The following FLNB variants were observed in gnomAD, a reference collection of about 807,000 sequenced individuals.
The protein encoded by FLNB is filamin B.
A neutral mutation model predicts 250.6 loss-of-function variants in FLNB; 111 were observed. That is an observed-to-expected ratio of 0.44 (90% CI 0.38 to 0.52). The LOEUF is 0.52. Among genes scored for constraint, FLNB ranks in the 20% least tolerant of loss-of-function variants. The pLI is 0.00. For missense variants in FLNB, 2,869 were observed against 3,447.8 expected (o/e 0.83, Z 4.20); for synonymous variants, 1,302 against 1,372.1 (o/e 0.95, Z 1.13).
intron 28 of FLNB, 121 bp from the exon 29 acceptor site, chr3:58,138,161 A>G (rs2097319760): frequency 3.9e-6 from 5 of 1,298,322 alleles, no homozygotes; most frequent in Middle Eastern, 2.6e-4. Flanking sequence ...ATCCCTCTGA[A>G]TGGCAGCAGT....
intron 12 of FLNB, among the ~76,000 whole-genome samples, 188 bp from the exon 13 acceptor site, chr3:58,108,270 G>A (rs907047398): frequency 5.9e-5 from 9 of 152,226 alleles, no homozygotes; most frequent in Non-Finnish European, 1.0e-4. Flanking sequence ...TTATGAGGGA[G>A]AGACATTTGT....
intron 1 of FLNB, among the ~76,000 whole-genome samples, chr3:58,021,315 G>T (rs2097113739): frequency 6.6e-6 from 1 of 152,188 alleles, no homozygotes; most frequent in Non-Finnish European, 1.5e-5. Flanking sequence ...AAAGGCCTTT[G>T]TGAGTCTGTA....
rs1301019792 is a variant in FLNB at position 58,136,180 on chromosome 3, G to A, written c.4861+12G>A. 3.7e-6 allele frequency: 6 copies of A among 1,613,816 alleles called. No individual in the cohort carries two copies. Among genetic ancestry groups the A allele is most frequent in the Non-Finnish European group, 5.1e-6 (6 of 1,179,858 alleles). ...GTGCCTGGCCACGGGTGAGTACAGG[G>A]CATCTCAAGGTCAGGGGCACAGGCT... On this transcript the variant is annotated intron_variant, in intron 28 of 45. Transcript: ENST00000295956.
At chr3:58,084,123 C>T (rs1248240268) in intron 4 of FLNB, among the ~76,000 whole-genome samples, 3 of 148,488 alleles carry the variant, frequency 2.0e-5, no homozygotes, top group Non-Finnish European at 4.4e-5. Context: ...ACCTGGGAGG[C>T]GGAGGTTGCA....
At chr3:58,062,618 C>T (rs2097180197) in intron 1 of FLNB, among the ~76,000 whole-genome samples, 1 of 152,240 alleles carries the variant, frequency 6.6e-6, no homozygotes, top group Non-Finnish European at 1.5e-5. Flanking sequence ...AGCCTGGCCC[C>T]TGCAGACTGC....
intron 36 of FLNB, 108 bp from the exon 37 acceptor site, chr3:58,149,742 A>G (rs1242571850): frequency 2.1e-6 from 3 of 1,403,494 alleles, no homozygotes; most frequent in South Asian, 2.4e-5. Flanking sequence ...TCTTTCTGCT[A>G]TGTAGAAATA....
At chr3:58,125,447 T>G (rs1385596023) in intron 22 of FLNB, 134 bp from the exon 23 acceptor site, 5 of 1,090,466 alleles carry the variant, frequency 4.6e-6, no homozygotes, top group Non-Finnish European at 6.8e-6. Flanking sequence ...TACTGTGTTT[T>G]TAACCCCCTT....
chr3:58,134,618 C>T lies in FLNB; in HGVS notation c.4517C>T (p.Pro1506Leu). 6.2e-7 allele frequency: 1 copy of T among 1,613,912 alleles called. No individual in the cohort carries two copies. Among genetic ancestry groups the T allele is most frequent in the Non-Finnish European group, 8.5e-7 (1 of 1,179,952 alleles). ...KYADEEIPRS[P>L]FKVKVLPTYD... ...TGTGTGTGTGTGTGTCTATCAAGTC[C>T]CTTCAAGGTCAAGGTCCTTCCCACA... Residue 1506 changes from proline (P) to leucine (L), a missense_variant and splice_region_variant, in exon 27 of 46, where the codon CCC becomes CTC. Physicochemically the swap from Pro to Leu is moderately conservative, Grantham distance 98 (BLOSUM62 -3). This residue lies in a region of FLNB where 126 missense variants were observed against 182.0 expected (regional missense o/e 0.69). Transcript: ENST00000295956.
chr3:58,025,395 G>T lies in FLNB; in HGVS notation c.292+16539G>T, dbSNP rs2097122190. 2.0e-5 allele frequency among the ~76,000 whole-genome samples: 3 copies of T among 151,948 alleles called. No individual in the cohort carries two copies. In the South Asian group the frequency reaches 6.2e-4, roughly 32 times the overall value. On this transcript the variant is annotated intron_variant, in intron 1 of 45. Transcript: ENST00000295956. ...TACTCCCTCCTCAGCCTCCCAAATT[G>T]CTGAGATTACAGGCATAAGCCTCTG... is the stretch of plus-strand genomic sequence containing the variant.
chr3:58,008,489 C>T lies in FLNB; in HGVS notation c.-76C>T, dbSNP rs886058758. 3 of 1,501,788 alleles carry T rather than the reference C, an allele frequency of 2.0e-6. No homozygotes were observed. The highest frequency in any genetic ancestry group is 2.7e-6 in the Non-Finnish European group (3 of 1,104,154). The allele number at this position is 1,501,788 out of a possible 1,614,324, so 93.0% of individuals were successfully genotyped here. Reference sequence around the variant, plus strand: ...CCCGCTCCCGCTCCGCTTCGGTTCTCGCTCCTTCGGCCCTTGGGCCTCCAA... The same window carrying T: ...CCCGCTCCCGCTCCGCTTCGGTTCTTGCTCCTTCGGCCCTTGGGCCTCCAA... On this transcript the variant is annotated 5_prime_UTR_variant, in exon 1 of 46. Transcript: ENST00000295956.
At chr3:58,071,274 C>CTTT (rs57488190) in intron 1 of FLNB, among the ~76,000 whole-genome samples, 68 of 81,594 alleles carry the variant, frequency 8.3e-4, no homozygotes, top group Non-Finnish European at 1.2e-3. Context: ...CTCCTCGATT[C>CTTT]TTTTTTTTTT....
Position 58,163,143 on chromosome 3 carries a change from C to A in FLNB, c.7022-11C>A. 6.2e-7 allele frequency: 1 copy of A among 1,613,994 alleles called. No individual in the cohort carries two copies. On this transcript the variant is annotated splice_polypyrimidine_tract_variant and intron_variant, in intron 42 of 45. Transcript: ENST00000295956. Reference sequence around the variant, plus strand: ...CTTGATTTCACCCTGTGCCTTTGCTCATTCTCCTAGATAAGTATGCTGTTC... The same window carrying A: ...CTTGATTTCACCCTGTGCCTTTGCTAATTCTCCTAGATAAGTATGCTGTTC...
chr3:58,008,710 G>T lies in FLNB; in HGVS notation c.146G>T (p.Arg49Leu), dbSNP rs1322262022. ...NLQTDLSDGL[R>L]LIALLEVLSQ... ...CAGACCGACCTGAGCGACGGGCTGC[G>T]GCTCATCGCGCTGCTCGAGGTGCTC... Residue 49 changes from arginine to leucine, a missense_variant, in exon 1 of 46, where the codon CGG becomes CTG. This residue lies in a region of FLNB where 308 missense variants were observed against 466.1 expected (regional missense o/e 0.66). Transcript: ENST00000295956. The T allele has an allele frequency of 6.2e-7, 1 of 1,614,060 alleles. No individual in the cohort carries two copies.
intron 1 of FLNB, among the ~76,000 whole-genome samples, chr3:58,069,578 A>G (rs919585282): frequency 1.3e-5 from 2 of 151,966 alleles, no homozygotes; most frequent in Non-Finnish European, 2.9e-5. Flanking sequence ...GGTGCTGCAT[A>G]TGAGATCTCT....
At chr3:58,125,015 T>C (rs527584585) in intron 22 of FLNB, among the ~76,000 whole-genome samples, 1 of 152,346 alleles carries the variant, frequency 6.6e-6, no homozygotes, top group East Asian at 1.9e-4. Context: ...CGAATGAGAG[T>C]AGTCTGTTTA....
At chr3:58,125,852 CAT>C (rs1388320450) in intron 23 of FLNB, 109 bp downstream of exon 23, 2 of 1,073,496 alleles carry the variant, frequency 1.9e-6, no homozygotes, top group South Asian at 2.7e-5. Context: ...ATTTTTATAA[CAT>C]GTATTTCCTT....
intron 1 of FLNB, among the ~76,000 whole-genome samples, chr3:58,076,528 C>T (rs923443896): frequency 2.6e-5 from 4 of 152,114 alleles, no homozygotes; most frequent in Middle Eastern, 3.2e-3. Flanking sequence ...GACGTCAGCT[C>T]TCTGCAACTT....
intron 1 of FLNB, among the ~76,000 whole-genome samples, chr3:58,056,007 A>G (rs1055095022): frequency 6.6e-5 from 10 of 152,070 alleles, no homozygotes; most frequent in Non-Finnish European, 7.4e-5. Flanking sequence ...ATAAAACGAC[A>G]GGTGCTGCTA....
At chr3:58,068,576 G>A (rs537519277) in intron 1 of FLNB, among the ~76,000 whole-genome samples, 9 of 152,208 alleles carry the variant, frequency 5.9e-5, no homozygotes, top group African/African-American at 2.2e-4. Flanking sequence ...GGTTCAGAAT[G>A]CCCTTTTGTT....
Sources: allele counts gnomAD v4.1 joint callset (sites outside exome capture counted in the v4.1 genomes callset), GRCh38; gene constraint gnomAD v4.1.1; regional missense constraint gnomAD v4.1.1; transcripts MANE v1.5; gene names NCBI Gene and HGNC (gene_info 2026-07-23, HGNC 2026-07-21).